Variants in TRPM7 observed in about 807,000 individuals in gnomAD.
TRPM7 encodes LTRPC ion channel family member 7.
Under a neutral mutation model 229.7 loss-of-function variants are expected in TRPM7, and 134 were observed. That is an observed-to-expected ratio of 0.58 (90% CI 0.51 to 0.67). The LOEUF (loss-of-function observed/expected upper bound fraction) is 0.67, where lower values mean the gene tolerates loss of function less well. Among genes scored for constraint, TRPM7 ranks in the 30% least tolerant of loss-of-function variants. The probability of loss-of-function intolerance (pLI) is 0.00; values close to 1 mark genes in which losing one functional copy is unlikely to be tolerated. For synonymous variants in TRPM7, 699 were observed against 715.2 expected, an observed-to-expected ratio of 0.98 and a Z score of 0.36; for missense variants, 1,901 against 2,210.0, an observed-to-expected ratio of 0.86 and a Z score of 2.80.
rs1479569229 is a variant in TRPM7 at position 50,560,481 on chromosome 15, T to C, written c.*1197A>G. 6.6e-6 allele frequency: 1 copy of C among 152,372 alleles called. No homozygotes were observed. The highest frequency in any genetic ancestry group is 1.9e-4 in the East Asian group (1 of 5,192). 9.4% of individuals were successfully genotyped at this position (152,372 alleles called of 1,614,324 possible). On this transcript the variant is annotated 3_prime_UTR_variant, in exon 39 of 39. Transcript: ENST00000646667. ...TACACTACTAAATACAAATAAGCTT[T>C]ATACTGCTCCCTTCCAAATAAAAAT...
chr15:50,575,827 AG>A, intron 32 of TRPM7, 38 bp from the exon 33 acceptor site: 1 of 1,612,136 alleles, frequency 6.2e-7, no homozygotes, highest in South Asian at 1.1e-5. Context: ...AAATCTGTAA[AG>A]GTCCAAAATG....
At chr15:50,596,407 C>CA in intron 22 of TRPM7, 26 bp from the exon 23 acceptor site, 1 of 1,537,712 alleles carries the variant, frequency 6.5e-7, no homozygotes, top group Non-Finnish European at 8.7e-7. Context: ...AAGAAAAAAA[C>CA]AAAAACAACT....
At chr15:50,670,593 T>A (rs1378078925) in intron 1 of TRPM7, among the ~76,000 whole-genome samples, 1 of 151,986 alleles carries the variant, frequency 6.6e-6, no homozygotes, top group Non-Finnish European at 1.5e-5. Flanking sequence ...CCTATATAGT[T>A]TAAAAAGAGG....
rs985706844 is a variant in TRPM7, at chr15:50,639,485, C to T, written c.599G>A (p.Cys200Tyr). 3 of 1,612,126 alleles carry T rather than the reference C, an allele frequency of 1.9e-6. No homozygotes were observed. Among genetic ancestry groups the T allele is most frequent in the Non-Finnish European group, 2.5e-6 (3 of 1,178,660 alleles). Reference protein sequence around the residue: ...EHASRSSRKICTIGIAPWGVI... With the variant: ...EHASRSSRKIYTIGIAPWGVI... ...TCCCCATGGAGCTATTCCGATAGTG[C>T]AAATCTTTCGAGATGATCTGGAAGC... The change falls in exon 6 of 39, where the codon TGC (cysteine) becomes TAC (tyrosine). Residue 200 changes from cysteine to tyrosine, a missense_variant. Coordinates refer to ENST00000646667, the MANE Select transcript of TRPM7 (RefSeq NM_017672.6).
chr15:50,671,149 G>A (rs543176183), intron 1 of TRPM7, among the ~76,000 whole-genome samples: 1 of 152,206 alleles, frequency 6.6e-6, no homozygotes, highest in East Asian at 1.9e-4. Context: ...AAGATTTCTT[G>A]AAATTATTCT....
At chr15:50,603,580 G>C (rs905415205) in intron 21 of TRPM7, among the ~76,000 whole-genome samples, 2 of 150,508 alleles carry the variant, frequency 1.3e-5, no homozygotes, top group African/African-American at 4.9e-5. Context: ...TTCTGTCCTT[G>C]CAATAGTTTG....
intron 11 of TRPM7, among the ~76,000 whole-genome samples, chr15:50,625,117 G>C (rs1013331900): frequency 6.6e-6 from 1 of 151,996 alleles, no homozygotes; most frequent in Non-Finnish European, 1.5e-5. Context: ...TGAAATATAG[G>C]TATTTCACTG....
chr15:50,648,889 A>G lies in TRPM7; in HGVS notation c.123-4T>C. ...GACCAAGCGACCACAAAAACACCTA[A>G]AAGAAAAAGGTGAGATTAAAACACC... On this transcript the variant is annotated splice_polypyrimidine_tract_variant and splice_region_variant and intron_variant, in intron 3 of 38. Coordinates refer to ENST00000646667, the MANE Select transcript of TRPM7 (RefSeq NM_017672.6). The G allele has an allele frequency of 6.3e-7, 1 of 1,597,972 alleles. No individual in the cohort carries two copies. The highest frequency in any genetic ancestry group is 8.5e-7 in the Non-Finnish European group (1 of 1,171,510).
intron 11 of TRPM7, among the ~76,000 whole-genome samples, 196 bp downstream of exon 11, chr15:50,627,953 A>G (rs2060616701): frequency 6.6e-6 from 1 of 152,240 alleles, no homozygotes; most frequent in Non-Finnish European, 1.5e-5. Flanking sequence ...TATATACTCT[A>G]CAAAAAAATA....
intron 22 of TRPM7, among the ~76,000 whole-genome samples, chr15:50,597,197 C>A (rs769115339): frequency 5.6e-4 from 85 of 152,084 alleles, no homozygotes; most frequent in Non-Finnish European, 2.5e-4. Flanking sequence ...TTACCCCTAA[C>A]TGAAAAATTT....
intron 38 of TRPM7, among the ~76,000 whole-genome samples, chr15:50,563,942 C>T (rs1266610394): frequency 6.6e-6 from 1 of 152,068 alleles, no homozygotes; most frequent in Non-Finnish European, 1.5e-5. Context: ...TCACTGAAAC[C>T]CCTACCTCTG....
At chr15:50,585,778 C>T (rs768637644) in intron 28 of TRPM7, among the ~76,000 whole-genome samples, 15 of 152,068 alleles carry the variant, frequency 9.9e-5, no homozygotes, top group Non-Finnish European at 1.6e-4. Flanking sequence ...AACTTTTCAA[C>T]GATGTGCATA....
intron 1 of TRPM7, among the ~76,000 whole-genome samples, chr15:50,679,698 G>C (rs1009816162): frequency 8.0e-5 from 12 of 150,730 alleles, no homozygotes; most frequent in African/African-American, 2.9e-4. Context: ...ATCACGTCCA[G>C]CTGATTTTTA....
At chr15:50,625,639 G>C (rs904900915) in intron 11 of TRPM7, among the ~76,000 whole-genome samples, 4 of 151,976 alleles carry the variant, frequency 2.6e-5, no homozygotes, top group Non-Finnish European at 5.9e-5. Flanking sequence ...GGCCTCAAGT[G>C]ATCTTCCTAA....
rs2054367529 is a variant in TRPM7 at position 50,580,854 on chromosome 15, G to T, written c.4592+20C>A. ...AACTATGATACTTCGCAAGCTAATGGTAAGAAAAAGCTTACTTACATTTCT... is the reference window on the plus strand; with the variant it reads ...AACTATGATACTTCGCAAGCTAATGTTAAGAAAAAGCTTACTTACATTTCT... On this transcript the variant is annotated intron_variant, in intron 30 of 38. Coordinates refer to ENST00000646667, the MANE Select transcript of TRPM7 (RefSeq NM_017672.6). 2 of 1,577,858 alleles carry T rather than the reference G, an allele frequency of 1.3e-6. No homozygotes were observed. The highest frequency in any genetic ancestry group is 1.4e-5 in the African/African-American group (1 of 72,526).
Position 50,672,453 on chromosome 15 carries a change from C to A in TRPM7, c.4-9407G>T, listed in dbSNP as rs1432298368. On this transcript the variant is annotated intron_variant, in intron 1 of 38. Coordinates refer to ENST00000646667, the MANE Select transcript of TRPM7 (RefSeq NM_017672.6). ...CTGTTATCATAGAAAATGACAACTCCATTCATGTTATTGTCCCTCAAAACC... is the reference window on the plus strand; with the variant it reads ...CTGTTATCATAGAAAATGACAACTCAATTCATGTTATTGTCCCTCAAAACC... Among the ~76,000 whole-genome samples the A allele has an allele frequency of 5.9e-5, 9 of 151,956 alleles. No individual in the cohort carries two copies. The South Asian group carries it at 1.9e-3, about 32-fold the overall frequency.
Position 50,612,696 on chromosome 15 carries a change from T to C in TRPM7, c.1904A>G (p.Gln635Arg). The part of the protein sequence containing the change: ...LLIWACLMKR[Q>R]VMARFLWQHG... ...TTGCCATAAAAAACGGGCCATGACC[T>C]GCCTCTTCATAAGGCAAGCCCAAAT... The change falls in exon 16 of 39, where the codon CAG becomes CGG. Residue 635 changes from glutamine to arginine, a missense_variant. Physicochemically the swap from Gln to Arg is conservative, Grantham distance 43 (BLOSUM62 1). Transcript: ENST00000646667. The C allele has an allele frequency of 6.2e-7, 1 of 1,614,180 alleles. No individual in the cohort carries two copies. The highest frequency in any genetic ancestry group is 1.1e-5 in the South Asian group (1 of 91,082).
intron 1 of TRPM7, among the ~76,000 whole-genome samples, chr15:50,678,491 T>C (rs1369617316): frequency 7.9e-6 from 1 of 126,680 alleles, no homozygotes; most frequent in Non-Finnish European, 1.6e-5. Context: ...GACCCTACTC[T>C]CTAGTTCCAT....
intron 5 of TRPM7, among the ~76,000 whole-genome samples, chr15:50,640,978 C>A (rs2061084760): frequency 6.6e-6 from 1 of 152,148 alleles, no homozygotes; most frequent in Admixed American, 6.5e-5. Flanking sequence ...TTTTAAGCCA[C>A]CCAGTCTGTG....
Sources: gnomAD v4.1 joint callset for allele counts (sites outside exome capture counted in the v4.1 genomes callset) on GRCh38, gnomAD v4.1.1 for gene constraint, MANE v1.5 for transcripts, NCBI Gene and HGNC (gene_info 2026-07-23, HGNC 2026-07-21) for gene names.